ZNF254: variants seen among roughly 807,000 people sequenced by gnomAD.
ZNF254 encodes zinc finger protein 254.
In ZNF254, 10 loss-of-function variants were observed where a neutral mutation model predicts 12.4. That is an observed-to-expected ratio of 0.80 (90% CI 0.50 to 1.36). The LOEUF (loss-of-function observed/expected upper bound fraction) is 1.36, where lower values mean the gene tolerates loss of function less well. Among genes scored for constraint, ZNF254 ranks in the 40% most tolerant of loss-of-function variants. ZNF254 has a pLI of 0.00. For synonymous variants in ZNF254, 305 were observed against 253.4 expected (o/e 1.20, Z -1.93); for missense variants, 996 against 763.9 (o/e 1.30, Z -3.58).
At chr19:24,086,428 C>G (rs1972042117), upstream of ZNF254, among the ~76,000 whole-genome samples, 1 of 151,966 alleles carries the variant, frequency 6.6e-6, no homozygotes, top group Admixed American at 6.6e-5. Flanking sequence ...GCCTCAGCCA[C>G]CCGAGAAGCT....
At chr19:24,076,025 A>G (rs1280887784) in intron 2 of ZNF254, among the ~76,000 whole-genome samples, 2 of 152,208 alleles carry the variant, frequency 1.3e-5, no homozygotes, top group Non-Finnish European at 2.9e-5. Flanking sequence ...AATCACTGTT[A>G]TTGTGTTCTT....
chr19:24,127,795 G>T lies in ZNF254; in HGVS notation c.1795G>T (p.Val599Leu). ...FTKHKVIHTGVKPYKCEECGK... is the reference protein window; with the variant it reads ...FTKHKVIHTGLKPYKCEECGK... ...TAAACATAAGGTAATTCATACTGGAGTAAAACCCTACAAATGTGAAGAATG... is the reference window on the plus strand; with the variant it reads ...TAAACATAAGGTAATTCATACTGGATTAAAACCCTACAAATGTGAAGAATG... The change falls in exon 4 of 4, where the codon GTA becomes TTA. Residue 599 changes from valine to leucine, a missense_variant. By Grantham distance (32) the Val-to-Leu change is conservative. Transcript: ENST00000357002. 6.2e-7 allele frequency: 1 copy of T among 1,612,822 alleles called. No homozygotes were observed. The highest frequency in any genetic ancestry group is 8.5e-7 in the Non-Finnish European group (1 of 1,179,598).
intron 1 of ZNF254, among the ~76,000 whole-genome samples, chr19:24,101,027 A>T (rs950400483): frequency 5.3e-5 from 8 of 151,918 alleles, no homozygotes; most frequent in Non-Finnish European, 1.0e-4. Context: ...GGGTTTCTTC[A>T]TGTTGGTCAG....
chr19:24,117,029 AC>A (rs1974126902), intron 3 of ZNF254, among the ~76,000 whole-genome samples: 2 of 152,122 alleles, frequency 1.3e-5, no homozygotes, highest in African/African-American at 4.8e-5. Flanking sequence ...AACCGCGAAT[AC>A]TGCTGTCTGA....
upstream of ZNF254, among the ~76,000 whole-genome samples, chr19:24,083,431 A>T (rs1287646126): frequency 3.9e-5 from 6 of 152,170 alleles, no homozygotes; most frequent in Admixed American, 3.9e-4. Flanking sequence ...TGAAAATAAC[A>T]TCATAATTTC....
chr19:24,116,815 C>T (rs1974110569), intron 3 of ZNF254, among the ~76,000 whole-genome samples: 1 of 152,064 alleles, frequency 6.6e-6, no homozygotes, highest in African/African-American at 2.4e-5. Flanking sequence ...TTTTCCCCAT[C>T]TTTGTGGTTT....
intron 1 of ZNF254, among the ~76,000 whole-genome samples, chr19:24,041,990 T>C (rs1420821727): frequency 2.2e-5 from 3 of 139,270 alleles, no homozygotes; most frequent in Non-Finnish European, 4.9e-5. Context: ...GGTTTGTGAG[T>C]GCACCAGTCG....
At chr19:24,085,115 T>A (rs919022400), upstream of ZNF254, among the ~76,000 whole-genome samples, 10 of 150,358 alleles carry the variant, frequency 6.7e-5, no homozygotes, top group African/African-American at 2.4e-4. Flanking sequence ...TATTTAATAG[T>A]GGAGATGGGG....
intron 2 of ZNF254, among the ~76,000 whole-genome samples, chr19:24,060,371 C>T (rs867872042): frequency 2.6e-5 from 4 of 152,048 alleles, no homozygotes; most frequent in Non-Finnish European, 4.4e-5. Context: ...TCACTAGGCC[C>T]ATCAGCGAAA....
At chr19:24,074,196 C>T (rs1342741443) in intron 2 of ZNF254, among the ~76,000 whole-genome samples, 4 of 152,162 alleles carry the variant, frequency 2.6e-5, no homozygotes, top group African/African-American at 7.2e-5. Flanking sequence ...TACAACCTAT[C>T]TCTGTACCAA....
At chr19:24,119,746 C>T (rs1195863918) in intron 3 of ZNF254, among the ~76,000 whole-genome samples, 1 of 152,018 alleles carries the variant, frequency 6.6e-6, no homozygotes, top group Non-Finnish European at 1.5e-5. Context: ...CCACTTTAAC[C>T]TCCCAAAGTC....
chr19:24,120,825 G>T (rs1394764163), intron 3 of ZNF254, among the ~76,000 whole-genome samples: 2 of 151,886 alleles, frequency 1.3e-5, no homozygotes, highest in African/African-American at 4.8e-5. Flanking sequence ...ACCATGCCTG[G>T]CTAATTTTGT....
intron 1 of ZNF254, among the ~76,000 whole-genome samples, chr19:24,035,089 G>C (rs908166842): frequency 1.3e-5 from 2 of 152,226 alleles, no homozygotes; most frequent in African/African-American, 2.4e-5. Context: ...GGGAAGGGGA[G>C]GGAGGGATAG....
intron 2 of ZNF254, among the ~76,000 whole-genome samples, chr19:24,081,224 T>C (rs1971834971): frequency 6.6e-6 from 1 of 152,170 alleles, no homozygotes; most frequent in Admixed American, 6.5e-5. Flanking sequence ...ATCTCTAAGC[T>C]GTTTTTCAGT....
intron 2 of ZNF254, among the ~76,000 whole-genome samples, chr19:24,070,853 G>T (rs372584850): frequency 2.0e-5 from 3 of 152,136 alleles, no homozygotes; most frequent in East Asian, 1.9e-4. Context: ...ACATATCACT[G>T]GTCCCTGCAC....
At chr19:24,040,951 C>A (rs1970131652) in intron 1 of ZNF254, among the ~76,000 whole-genome samples, 1 of 152,190 alleles carries the variant, frequency 6.6e-6, no homozygotes, top group South Asian at 2.1e-4. Flanking sequence ...TAACAGGGAA[C>A]TTTCGATAAA....
chr19:24,094,464 T>C (rs532711795), intron 1 of ZNF254, among the ~76,000 whole-genome samples: 1 of 152,196 alleles, frequency 6.6e-6, no homozygotes, highest in African/African-American at 2.4e-5. Flanking sequence ...TTTCACCATG[T>C]TGGCCAGGCT....
chr19:24,096,517 A>G (rs1005399778), intron 1 of ZNF254, among the ~76,000 whole-genome samples: 9 of 152,092 alleles, frequency 5.9e-5, no homozygotes, highest in Non-Finnish European at 1.2e-4. Flanking sequence ...GCTGTGGTCT[A>G]TGTGTTTGTT....
chr19:24,045,075 C>A (rs1302879757), intron 1 of ZNF254, among the ~76,000 whole-genome samples: 2 of 152,154 alleles, frequency 1.3e-5, no homozygotes, highest in Non-Finnish European at 2.9e-5. Flanking sequence ...ATTTTAGTTT[C>A]TTTACTTGCA....
Sources: gnomAD v4.1 joint callset for allele counts (sites outside exome capture counted in the v4.1 genomes callset) on GRCh38, gnomAD v4.1.1 for gene constraint, MANE v1.5 for transcripts, NCBI Gene and HGNC (gene_info 2026-07-23, HGNC 2026-07-21) for gene names.